CNTNAP5: variants seen among roughly 807,000 people sequenced by gnomAD.
CNTNAP5 encodes contactin-associated protein-like 5.
In CNTNAP5, 72 loss-of-function variants were observed where a neutral mutation model predicts 150.2. The observed-to-expected ratio is 0.48, with a 90% CI of 0.40 to 0.58. The LOEUF is 0.58. CNTNAP5 is among the 20% of genes least tolerant of loss of function. The pLI is 0.00. For missense variants in CNTNAP5, 1,636 were observed against 1,626.2 expected (o/e 1.01, Z -0.10); for synonymous variants, 672 against 619.8 (o/e 1.08, Z -1.25).
In CNTNAP5 at chr2:124,192,800, A is replaced by C. The variant is rs182885711; in HGVS notation, c.83-28905A>C. On this transcript the variant is annotated intron_variant, in intron 1 of 23. Transcript: ENST00000682447. ...AACCTCATCTCTTGCTTCCCCAAAAACTCCTTCTTCTCCTGGTCTTGCTGT... is the reference window on the plus strand; with the variant it reads ...AACCTCATCTCTTGCTTCCCCAAAACCTCCTTCTTCTCCTGGTCTTGCTGT... 1.4e-4 allele frequency among the ~76,000 whole-genome samples: 21 copies of C among 149,272 alleles called. No individual in the cohort carries two copies. In the East Asian group the frequency reaches 4.1e-3, roughly 29 times the overall value.
intron 19 of CNTNAP5, among the ~76,000 whole-genome samples, chr2:124,820,989 AG>A (rs1466446562): frequency 6.6e-6 from 1 of 152,240 alleles, no homozygotes; most frequent in Non-Finnish European, 1.5e-5. Context: ...TGGTTCTCAC[AG>A]TTTGTGCTCA....
intron 3 of CNTNAP5, among the ~76,000 whole-genome samples, chr2:124,386,978 C>T (rs868136218): frequency 6.6e-6 from 1 of 152,124 alleles, no homozygotes; most frequent in Non-Finnish European, 1.5e-5. Context: ...TTTTTTCTTA[C>T]CATGTGAGGA....
intron 1 of CNTNAP5, among the ~76,000 whole-genome samples, chr2:124,093,848 T>C (rs1224613004): frequency 6.6e-6 from 1 of 152,206 alleles, no homozygotes; most frequent in African/African-American, 2.4e-5. Flanking sequence ...TCTTGCATGA[T>C]TTGTATTAAT....
At chr2:124,359,109 T>C (rs983393115) in intron 3 of CNTNAP5, among the ~76,000 whole-genome samples, 2 of 152,160 alleles carry the variant, frequency 1.3e-5, no homozygotes, top group African/African-American at 4.8e-5. Context: ...TTTGTAGTAT[T>C]CTCTGATGGT....
chr2:124,663,302 G>A (rs1016142197), intron 13 of CNTNAP5, among the ~76,000 whole-genome samples: 1 of 152,076 alleles, frequency 6.6e-6, no homozygotes, highest in African/African-American at 2.4e-5. Context: ...AACCTAGACT[G>A]GATTTTAGCT....
At chr2:124,098,142 T>C (rs562366990) in intron 1 of CNTNAP5, among the ~76,000 whole-genome samples, 2 of 152,360 alleles carry the variant, frequency 1.3e-5, no homozygotes, top group East Asian at 1.9e-4. Flanking sequence ...ACGTAAACAG[T>C]TGATTAACAC....
chr2:124,672,248 C>G (rs1397449953), intron 13 of CNTNAP5, among the ~76,000 whole-genome samples: 2 of 152,040 alleles, frequency 1.3e-5, no homozygotes, highest in African/African-American at 4.8e-5. Context: ...AAATAAGGGC[C>G]CACCCATTTG....
At chr2:124,891,114 A>C (rs943444415) in intron 21 of CNTNAP5, among the ~76,000 whole-genome samples, 4 of 152,218 alleles carry the variant, frequency 2.6e-5, no homozygotes, top group South Asian at 4.1e-4. Flanking sequence ...AGTTAGGCGG[A>C]TCCTACTAGA....
chr2:124,560,880 C>T (rs1695876236), intron 10 of CNTNAP5, among the ~76,000 whole-genome samples: 1 of 152,022 alleles, frequency 6.6e-6, no homozygotes, highest in South Asian at 2.1e-4. Flanking sequence ...TGTCTCAAAA[C>T]TTGACCACTG....
chr2:124,570,096 GGAT>G (rs1696117532), intron 11 of CNTNAP5, among the ~76,000 whole-genome samples: 1 of 152,054 alleles, frequency 6.6e-6, no homozygotes, highest in African/African-American at 2.4e-5. Context: ...CATAAGAACG[GGAT>G]GATATCTGAA....
At position 124,032,922 on chromosome 2, in the gene CNTNAP5, G is replaced by C. The variant is rs141517566; in HGVS notation, c.82+7190G>C. ...TAAATTATGCTGGTTTTTGTCAGCAGAGTGAGAACTAGTCATTAAGGAATG... is the reference window on the plus strand; with the variant it reads ...TAAATTATGCTGGTTTTTGTCAGCACAGTGAGAACTAGTCATTAAGGAATG... On this transcript the variant is annotated intron_variant, in intron 1 of 23. Coordinates refer to ENST00000682447, the MANE Select transcript of CNTNAP5 (RefSeq NM_001367498.1). Among the ~76,000 whole-genome samples the C allele has an allele frequency of 9.8e-4, 150 of 152,300 alleles. 4 individuals carry two copies. The highest frequency in any genetic ancestry group is 7.3e-3 in the East Asian group (38 of 5,178).
intron 11 of CNTNAP5, among the ~76,000 whole-genome samples, chr2:124,605,084 A>G (rs891594750): frequency 1.3e-5 from 2 of 152,050 alleles, no homozygotes; most frequent in Non-Finnish European, 2.9e-5. Context: ...CTGTTCTGGG[A>G]GGCTGTACCA....
At chr2:124,834,757 A>G (rs1242981535) in intron 19 of CNTNAP5, among the ~76,000 whole-genome samples, 1 of 150,508 alleles carries the variant, frequency 6.6e-6, no homozygotes, top group African/African-American at 2.4e-5. Context: ...TCTATAGTGT[A>G]CTTGCTTTAA....
chr2:124,515,230 A>T lies in CNTNAP5; in HGVS notation c.1328-9073A>T, dbSNP rs141387021. ...GGAGATTCAGTTGGTCTGATGCTCA[A>T]TCCATCAATGAACCTTGGAGAGCGC... On this transcript the variant is annotated intron_variant, in intron 8 of 23. Coordinates refer to ENST00000682447, the MANE Select transcript of CNTNAP5 (RefSeq NM_001367498.1). 1.5e-3 allele frequency among the ~76,000 whole-genome samples: 228 copies of T among 152,306 alleles called. 1 individual carries two copies. Among genetic ancestry groups the T allele is most frequent in the African/African-American group, 5.1e-3 (212 of 41,572 alleles).
chr2:124,108,898 T>C (rs1167253079), intron 1 of CNTNAP5, among the ~76,000 whole-genome samples: 5 of 152,160 alleles, frequency 3.3e-5, no homozygotes, highest in Non-Finnish European at 7.3e-5. Context: ...TCTTAGACTG[T>C]CATTCATGCC....
intron 1 of CNTNAP5, among the ~76,000 whole-genome samples, chr2:124,101,602 G>T (rs911779582): frequency 2.0e-5 from 3 of 152,166 alleles, no homozygotes; most frequent in Non-Finnish European, 4.4e-5. Flanking sequence ...TGGCCCAGAG[G>T]TAGGCAGTAA....
rs114353791 is a variant in CNTNAP5, at chr2:124,542,778, T to C, written c.1649+15322T>C. On this transcript the variant is annotated intron_variant, in intron 10 of 23. Coordinates refer to ENST00000682447, the MANE Select transcript of CNTNAP5 (RefSeq NM_001367498.1). ...ATCCAAAGTTCATCACGTCTACTGA[T>C]GCATTCAGCTGAGACACGTGCCCTG... Among the ~76,000 whole-genome samples, 920 of 152,306 alleles carry C rather than the reference T, an allele frequency of 6.0e-3. 1 individual carries two copies. Among genetic ancestry groups the C allele is most frequent in the Middle Eastern group, 0.027 (8 of 294 alleles).
intron 4 of CNTNAP5, among the ~76,000 whole-genome samples, 159 bp downstream of exon 4, chr2:124,417,749 G>T (rs1384034813): frequency 6.6e-6 from 1 of 152,138 alleles, no homozygotes; most frequent in Non-Finnish European, 1.5e-5. Context: ...TCCCAAAGTA[G>T]AAAAAACATT....
At chr2:124,105,145 C>T (rs1683147575) in intron 1 of CNTNAP5, among the ~76,000 whole-genome samples, 2 of 152,094 alleles carry the variant, frequency 1.3e-5, no homozygotes. Context: ...ATAAATCTTA[C>T]TGATCTCTTC....
Sources: allele counts gnomAD v4.1 joint callset (sites outside exome capture counted in the v4.1 genomes callset), GRCh38; gene constraint gnomAD v4.1.1; transcripts MANE v1.5; gene names NCBI Gene and HGNC (gene_info 2026-07-23, HGNC 2026-07-21).